Variants in LOC128125817 observed in about 807,000 individuals in gnomAD.
At chr1:41,591,089 T>C in the LOC128125817 span, among the ~76,000 whole-genome samples, 10 of 152,224 alleles carry the variant, frequency 6.6e-5, no homozygotes, top group Admixed American at 6.5e-4. Context: ...TCATTGCTAT[T>C]GGAGAAAGCA....
the LOC128125817 span, among the ~76,000 whole-genome samples, chr1:41,612,778 C>T: frequency 2.6e-5 from 4 of 152,326 alleles, no homozygotes; most frequent in South Asian, 2.1e-4. Context: ...GAATCATCAC[C>T]GTCCTAAGTG....
chr1:41,596,405 G>A, the LOC128125817 span, among the ~76,000 whole-genome samples: 1 of 152,152 alleles, frequency 6.6e-6, no homozygotes, highest in African/African-American at 2.4e-5. Flanking sequence ...TTGGAAGGAA[G>A]AGGTTTTTTG....
the LOC128125817 span, among the ~76,000 whole-genome samples, chr1:41,590,642 T>C: frequency 7.9e-5 from 12 of 152,308 alleles, no homozygotes; most frequent in East Asian, 2.1e-3. Flanking sequence ...TTTGGAGCAG[T>C]TGAACAAATA....
chr1:41,594,257 C>T, the LOC128125817 span, among the ~76,000 whole-genome samples: 1 of 151,378 alleles, frequency 6.6e-6, no homozygotes, highest in African/African-American at 2.4e-5. Flanking sequence ...GAGTCTCGCT[C>T]TGTTGCCCAG....
the LOC128125817 span, among the ~76,000 whole-genome samples, chr1:41,619,647 T>G: frequency 9.2e-5 from 14 of 152,098 alleles, no homozygotes; most frequent in African/African-American, 3.1e-4. Flanking sequence ...CTGACTGGTA[T>G]GGGTGTTAGG....
At chr1:41,589,817 C>T in the LOC128125817 span, among the ~76,000 whole-genome samples, 4 of 152,244 alleles carry the variant, frequency 2.6e-5, no homozygotes, top group African/African-American at 9.6e-5. Context: ...TTTACTTACA[C>T]ACACACACCC....
chr1:41,625,124 T>C, the LOC128125817 span, among the ~76,000 whole-genome samples: 241 of 128,460 alleles, frequency 1.9e-3, 4 homozygotes, highest in Admixed American at 3.5e-3. Flanking sequence ...GATCATGCCA[T>C]TGCACTCCAG....
chr1:41,600,273 T>A, the LOC128125817 span, among the ~76,000 whole-genome samples: 1 of 152,334 alleles, frequency 6.6e-6, no homozygotes, highest in South Asian at 2.1e-4. Context: ...ACATCTATGT[T>A]CATAGCGGCA....
At chr1:41,594,340 A>C in the LOC128125817 span, among the ~76,000 whole-genome samples, 1 of 152,140 alleles carries the variant, frequency 6.6e-6, no homozygotes, top group Non-Finnish European at 1.5e-5. Context: ...CTCCTGCCTC[A>C]GCCTCCTGAG....
chr1:41,586,611 G>T, the LOC128125817 span, among the ~76,000 whole-genome samples: 3 of 152,158 alleles, frequency 2.0e-5, no homozygotes, highest in East Asian at 5.8e-4. Context: ...GTTTCACTAG[G>T]TGTGTGATGA....
At chr1:41,608,195 G>A in the LOC128125817 span, among the ~76,000 whole-genome samples, 1 of 152,224 alleles carries the variant, frequency 6.6e-6, no homozygotes, top group Non-Finnish European at 1.5e-5. Flanking sequence ...GTCATGGAAA[G>A]GTTCCCTGCA....
the LOC128125817 span, among the ~76,000 whole-genome samples, chr1:41,599,751 T>A: frequency 0.091 from 13,899 of 152,132 alleles, 693 homozygotes; most frequent in Middle Eastern, 0.18. Context: ...AAATTTAAAA[T>A]CTTCTATGCG....
the LOC128125817 span, among the ~76,000 whole-genome samples, chr1:41,595,841 C>T: frequency 9.2e-5 from 14 of 152,176 alleles, no homozygotes; most frequent in African/African-American, 2.7e-4. Context: ...AAACATTGGA[C>T]GCCAAGTTCT....
the LOC128125817 span, among the ~76,000 whole-genome samples, chr1:41,617,906 A>C: frequency 6.6e-6 from 1 of 152,200 alleles, no homozygotes; most frequent in African/African-American, 2.4e-5. Context: ...TTCTTTTACA[A>C]AAGAGCCCTG....
the LOC128125817 span, among the ~76,000 whole-genome samples, chr1:41,590,974 A>G: frequency 1.3e-5 from 2 of 152,202 alleles, no homozygotes; most frequent in African/African-American, 4.8e-5. Flanking sequence ...CCCATCTGTA[A>G]AAAGGGACAG....
the LOC128125817 span, chr1:41,628,753 G>C: frequency 5.7e-6 from 7 of 1,232,154 alleles, no homozygotes; most frequent in Non-Finnish European, 7.1e-6. Flanking sequence ...TCCTACCTGT[G>C]CTGAAGGCAC....
the LOC128125817 span, among the ~76,000 whole-genome samples, chr1:41,603,703 A>T: frequency 6.6e-6 from 1 of 152,304 alleles, no homozygotes; most frequent in Non-Finnish European, 1.5e-5. Context: ...CAGAATATAT[A>T]TTTGGTATGC....
chr1:41,621,770 A>G, the LOC128125817 span, among the ~76,000 whole-genome samples: 2 of 152,138 alleles, frequency 1.3e-5, no homozygotes, highest in African/African-American at 2.4e-5. Context: ...CTCCTGCCTC[A>G]GCCTCCCAAG....
At chr1:41,603,129 C>T in the LOC128125817 span, among the ~76,000 whole-genome samples, 2 of 151,568 alleles carry the variant, frequency 1.3e-5, no homozygotes, top group African/African-American at 2.4e-5. Context: ...TGTAGCGGCG[C>T]GATCTCTGCT....
Sources: gnomAD v4.1 joint callset for allele counts (sites outside exome capture counted in the v4.1 genomes callset) on GRCh38, gnomAD v4.1.1 for gene constraint, MANE v1.5 for transcripts.